ZNF331: variants seen among roughly 807,000 people sequenced by gnomAD.
The protein encoded by ZNF331 is C2H2-like zinc finger protein rearranged in thyroid adenomas.
ZNF331 carries 2 observed loss-of-function variants against 7.0 expected under a neutral mutation model. That is an observed-to-expected ratio of 0.29 (90% CI 0.12 to 0.90). The LOEUF is 0.90. Among genes scored for constraint, ZNF331 ranks in the 40% least tolerant of loss-of-function variants. The probability of loss-of-function intolerance (pLI) is 0.58; values close to 1 mark genes in which losing one functional copy is unlikely to be tolerated. For missense variants in ZNF331, 432 were observed against 587.7 expected (o/e 0.74, Z 2.74); for synonymous variants, 196 against 205.4 (o/e 0.95, Z 0.39).
intron 3 of ZNF331, among the ~76,000 whole-genome samples, chr19:53,568,539 C>G (rs1307231777): frequency 6.6e-6 from 1 of 152,146 alleles, no homozygotes; most frequent in Non-Finnish European, 1.5e-5. Context: ...CCCCGAATCC[C>G]TTGATTAGTA....
At chr19:53,504,882 A>G in the ZNF331 span, among the ~76,000 whole-genome samples, 1 of 152,230 alleles carries the variant, frequency 6.6e-6, no homozygotes, top group Non-Finnish European at 1.5e-5. Context: ...TGGAACAAGC[A>G]GCAAATTCTC....
chr19:53,529,809 AG>A (rs2087460360), intron 2 of ZNF331, among the ~76,000 whole-genome samples: 2 of 152,196 alleles, frequency 1.3e-5, no homozygotes, highest in Middle Eastern at 3.2e-3. Context: ...TCTATAACCC[AG>A]CAAGGAGGGG....
chr19:53,547,361 A>G (rs1254084926), intron 2 of ZNF331, among the ~76,000 whole-genome samples: 1 of 152,132 alleles, frequency 6.6e-6, no homozygotes, highest in African/African-American at 2.4e-5. Context: ...CAATAACAGG[A>G]TTTCCTTCTT....
intron 2 of ZNF331, among the ~76,000 whole-genome samples, chr19:53,549,848 A>G (rs1431300351): frequency 6.6e-6 from 1 of 150,462 alleles, no homozygotes; most frequent in African/African-American, 2.5e-5. Context: ...TTTGTTTGAG[A>G]TCTTCCTTCT....
At chr19:53,542,524 A>T (rs960012487) in intron 2 of ZNF331, among the ~76,000 whole-genome samples, 1 of 152,200 alleles carries the variant, frequency 6.6e-6, no homozygotes, top group Non-Finnish European at 1.5e-5. Context: ...ACAGTATCTC[A>T]TATGTATCTC....
In ZNF331 at chr19:53,576,791, A is replaced by C; in HGVS notation, c.231A>C (p.Lys77Asn). ...ASKRNSDRRS[K>N]SLGRNWICEG... Reference sequence around the variant, plus strand: ...AAAGGAATTCAGATAGAAGAAGTAAATCCCTTGGCCGTAACTGGATATGTG... The same window carrying C: ...AAAGGAATTCAGATAGAAGAAGTAACTCCCTTGGCCGTAACTGGATATGTG... Residue 77 changes from lysine (K) to asparagine (N), a missense_variant, in exon 6 of 6, where the codon AAA (lysine) becomes AAC (asparagine). Coordinates refer to ENST00000449416, the MANE Select transcript of ZNF331 (RefSeq NM_001079906.2). The C allele has an allele frequency of 6.2e-7, 1 of 1,614,210 alleles. No homozygotes were observed.
intron 3 of ZNF331, among the ~76,000 whole-genome samples, chr19:53,563,045 A>G (rs1242400389): frequency 1.3e-5 from 2 of 152,012 alleles, no homozygotes; most frequent in East Asian, 1.9e-4. Flanking sequence ...GCAAGTTGGC[A>G]TCTTCTCGAA....
chr19:53,506,450 C>CTCTCTG, the ZNF331 span, among the ~76,000 whole-genome samples: 2 of 47,618 alleles, frequency 4.2e-5, no homozygotes, highest in African/African-American at 6.5e-5. Context: ...CTCTGTCTCT[C>CTCTCTG]TCTCTCTCTC....
intron 4 of ZNF331, among the ~76,000 whole-genome samples, chr19:53,570,973 C>T (rs988168966): frequency 2.0e-5 from 3 of 152,042 alleles, no homozygotes; most frequent in African/African-American, 7.2e-5. Context: ...ATTCTCCTGC[C>T]TCAGCCTCCC....
the ZNF331 span, among the ~76,000 whole-genome samples, chr19:53,506,249 G>A: frequency 7.8e-6 from 1 of 127,630 alleles, no homozygotes; most frequent in Non-Finnish European, 1.7e-5. Context: ...GCAGGAGAAT[G>A]GCGTGAACCC....
rs772046908 is a variant in ZNF331 at position 53,577,496 on chromosome 19, T to C, written c.936T>C (p.Asn312=). The change falls in exon 6 of 6, where the codon AAT becomes AAC. Residue 312 remains asparagine (N), a synonymous_variant. Transcript: ENST00000449416. ...GTGGGAAGGCCTTTACTCGAGTCAA[T>C]TACCTTACTCAGCATCAGAAGATCC... ...QECGKAFTRV[N]YLTQHQKIHT... 16 of 1,612,718 alleles carry C rather than the reference T, an allele frequency of 9.9e-6. No homozygotes were observed. Among genetic ancestry groups the C allele is most frequent in the South Asian group, 2.2e-5 (2 of 91,056 alleles).
chr19:53,531,582 A>T (rs976675124), intron 2 of ZNF331, among the ~76,000 whole-genome samples: 2 of 152,224 alleles, frequency 1.3e-5, no homozygotes, highest in African/African-American at 4.8e-5. Flanking sequence ...CCTGATTTTC[A>T]TATCACAGCC....
chr19:53,513,475 A>C, the ZNF331 span, among the ~76,000 whole-genome samples: 1 of 152,166 alleles, frequency 6.6e-6, no homozygotes, highest in Non-Finnish European at 1.5e-5. Flanking sequence ...TTGCTCTACC[A>C]ATTGACTGTC....
In ZNF331 at chr19:53,569,300, C is replaced by T. The variant is rs2090325735; in HGVS notation, c.-73-4C>T. The stretch of plus-strand genomic sequence containing the variant: ...CGTTTTAATCTCTTTTTTTCCACCC[C>T]TAGCTCTAGCCTCTCGGAATTTGTC... On this transcript the variant is annotated splice_region_variant and splice_polypyrimidine_tract_variant and intron_variant, in intron 3 of 5. Transcript: ENST00000449416. 6.4e-7 allele frequency: 1 copy of T among 1,551,454 alleles called. No individual in the cohort carries two copies. The highest frequency in any genetic ancestry group is 1.4e-5 in the African/African-American group (1 of 73,126).
chr19:53,550,222 G>A (rs1412709319), intron 2 of ZNF331, among the ~76,000 whole-genome samples: 1 of 152,140 alleles, frequency 6.6e-6, no homozygotes, highest in Non-Finnish European at 1.5e-5. Flanking sequence ...TAGAGAGATG[G>A]TGCAGAATAC....
At chr19:53,565,993 G>T (rs765473251) in intron 3 of ZNF331, among the ~76,000 whole-genome samples, 1 of 152,214 alleles carries the variant, frequency 6.6e-6, no homozygotes, top group Non-Finnish European at 1.5e-5. Flanking sequence ...ATCACGGGGT[G>T]TGTCAGGAGC....
In ZNF331 at chr19:53,578,524, T is replaced by G. The variant is rs2090817482; in HGVS notation, c.*572T>G. Reference sequence around the variant, plus strand: ...GTTCTATTTTGTTAGTTACTGTTGGTAATCTCTTACTGTGCCTAATTTATA... The same window carrying G: ...GTTCTATTTTGTTAGTTACTGTTGGGAATCTCTTACTGTGCCTAATTTATA... On this transcript the variant is annotated 3_prime_UTR_variant, in exon 6 of 6. Transcript: ENST00000449416. 4.5e-6 allele frequency: 1 copy of G among 220,132 alleles called. No homozygotes were observed. Among genetic ancestry groups the G allele is most frequent in the Admixed American group, 5.7e-5 (1 of 17,678 alleles). 13.6% of individuals were successfully genotyped at this position (220,132 alleles called of 1,614,324 possible). A position where few individuals can be genotyped will look rare whatever the true frequency, so the allele number is the denominator to read the frequency against.
At chr19:53,562,096 C>T (rs1332751568) in intron 3 of ZNF331, among the ~76,000 whole-genome samples, 2 of 152,038 alleles carry the variant, frequency 1.3e-5, no homozygotes, top group Middle Eastern at 3.4e-3. Flanking sequence ...TGCAGTGAGC[C>T]GAGATTGTGC....
At chr19:53,568,852 T>C (rs1256196704) in intron 3 of ZNF331, among the ~76,000 whole-genome samples, 2 of 63,892 alleles carry the variant, frequency 3.1e-5, no homozygotes, top group Non-Finnish European at 6.2e-5. Context: ...TGATACTCTT[T>C]TTTTTTTTTT....
Sources: gnomAD v4.1 joint callset for allele counts (sites outside exome capture counted in the v4.1 genomes callset) on GRCh38, gnomAD v4.1.1 for gene constraint, MANE v1.5 for transcripts, NCBI Gene and HGNC (gene_info 2026-07-23, HGNC 2026-07-21) for gene names.